The following GLIS3 variants were observed in gnomAD, a reference collection of about 807,000 sequenced individuals.
GLIS3 encodes zinc finger protein GLIS3.
A neutral mutation model predicts 78.6 loss-of-function variants in GLIS3; 53 were observed. That is an observed-to-expected ratio of 0.67 (90% CI 0.54 to 0.85). The LOEUF (loss-of-function observed/expected upper bound fraction) is 0.85. Among genes scored for constraint, GLIS3 ranks in the 40% least tolerant of loss-of-function variants. The pLI, the probability that GLIS3 is intolerant of heterozygous loss-of-function variation, is 0.00. For synonymous variants in GLIS3, 684 were observed against 509.9 expected (o/e 1.34, Z -4.60); for missense variants, 1,703 against 1,231.1 (o/e 1.38, Z -5.74).
intron 2 of GLIS3, among the ~76,000 whole-genome samples, chr9:4,153,238 ATAAAATAGTAC>A (rs1463285616): frequency 6.6e-6 from 1 of 152,238 alleles, no homozygotes; most frequent in Non-Finnish European, 1.5e-5. Flanking sequence ...ACTTGGAAGA[ATAAAATAGTAC>A]TAATAATCAA....
intron 2 of GLIS3, among the ~76,000 whole-genome samples, chr9:4,229,875 A>G (rs1051911855): frequency 6.6e-5 from 10 of 152,210 alleles, no homozygotes; most frequent in Non-Finnish European, 1.2e-4. Context: ...TCTTAATATT[A>G]TTCTCCCTAG....
At chr9:4,121,772 A>G (rs969172278) in intron 3 of GLIS3, among the ~76,000 whole-genome samples, 1 of 152,288 alleles carries the variant, frequency 6.6e-6, no homozygotes, top group East Asian at 1.9e-4. Context: ...CATGTCACCC[A>G]CAATGCTCTG....
chr9:4,146,358 C>G (rs931957985), intron 2 of GLIS3, among the ~76,000 whole-genome samples: 3 of 152,134 alleles, frequency 2.0e-5, no homozygotes, highest in African/African-American at 7.2e-5. Context: ...GCATGTAACT[C>G]AAAACTATTT....
At chr9:4,254,256 A>G (rs1016243952) in intron 2 of GLIS3, among the ~76,000 whole-genome samples, 3 of 152,246 alleles carry the variant, frequency 2.0e-5, no homozygotes, top group African/African-American at 7.2e-5. Context: ...AAGATACGTG[A>G]GAATAAAGAG....
intron 2 of GLIS3, among the ~76,000 whole-genome samples, chr9:4,343,154 C>A (rs1352042417): frequency 6.8e-6 from 1 of 147,060 alleles, no homozygotes; most frequent in African/African-American, 2.5e-5. Flanking sequence ...GCCTGGGCAA[C>A]ATAGCAAGAC....
At chr9:4,283,576 T>C (rs1479929951) in intron 2 of GLIS3, among the ~76,000 whole-genome samples, 2 of 152,210 alleles carry the variant, frequency 1.3e-5, no homozygotes, top group South Asian at 2.1e-4. Flanking sequence ...TACTGTGCTG[T>C]AGTTTAACTG....
At chr9:3,967,025 AAAAAAAAAC>A (rs1384997419) in intron 4 of GLIS3, among the ~76,000 whole-genome samples, 1,618 of 144,982 alleles carry the variant, frequency 0.011, 35 homozygotes, top group African/African-American at 0.04. Context: ...AAAAAAAAAA[AAAAAAAAAC>A]AAAAAAACAT....
the GLIS3 span, among the ~76,000 whole-genome samples, chr9:4,462,240 CT>C: frequency 6.6e-6 from 1 of 152,170 alleles, no homozygotes; most frequent in Admixed American, 6.5e-5. Flanking sequence ...GATCTGTAAA[CT>C]TTTTCACCAT....
intron 4 of GLIS3, among the ~76,000 whole-genome samples, chr9:4,093,352 G>A (rs1222679561): frequency 2.0e-5 from 3 of 152,140 alleles, no homozygotes; most frequent in Non-Finnish European, 4.4e-5. Flanking sequence ...TGTTTGCACT[G>A]AGTAAGGCCC....
chr9:4,092,395 G>A (rs908256485), intron 4 of GLIS3, among the ~76,000 whole-genome samples: 4 of 151,814 alleles, frequency 2.6e-5, no homozygotes, highest in African/African-American at 4.8e-5. Flanking sequence ...CTCGTGATCC[G>A]CCTGCCTCAG....
rs1239073603 is a variant in GLIS3 at position 4,286,487 on chromosome 9, A to G, written c.-62T>C. ...ATGTCACTAATGACTCCTTTCAGGC[A>G]AAGTCCAATAAGTTATCCATGGTGT... On this transcript the variant is annotated 5_prime_UTR_variant, in exon 2 of 11. Transcript: ENST00000381971. 1.4e-5 allele frequency: 22 copies of G among 1,590,432 alleles called. No homozygotes were observed. Among genetic ancestry groups the G allele is most frequent in the South Asian group, 4.4e-5 (4 of 90,078 alleles).
intron 4 of GLIS3, among the ~76,000 whole-genome samples, chr9:4,042,616 AG>A (rs1824913914): frequency 6.6e-6 from 1 of 152,194 alleles, no homozygotes; most frequent in Admixed American, 6.5e-5. Context: ...ATGTAAGCCC[AG>A]GTGTTCAAAG....
intron 4 of GLIS3, among the ~76,000 whole-genome samples, chr9:4,061,438 C>T (rs62521685): frequency 6.6e-6 from 1 of 152,014 alleles, no homozygotes; most frequent in Admixed American, 6.6e-5. Flanking sequence ...GTATATGTGC[C>T]ACATTTTCTT....
chr9:4,087,856 A>C (rs534810722), intron 4 of GLIS3, among the ~76,000 whole-genome samples: 1 of 152,280 alleles, frequency 6.6e-6, no homozygotes, highest in South Asian at 2.1e-4. Context: ...ACAAGGAATT[A>C]TTCTCTTTGG....
intron 9 of GLIS3, among the ~76,000 whole-genome samples, chr9:3,848,032 G>A (rs1013355258): frequency 6.6e-6 from 1 of 152,148 alleles, no homozygotes; most frequent in African/African-American, 2.4e-5. Flanking sequence ...CTATTACAAT[G>A]TTGATTTATA....
At chr9:4,220,459 C>T (rs188110525) in intron 2 of GLIS3, among the ~76,000 whole-genome samples, 2 of 152,290 alleles carry the variant, frequency 1.3e-5, no homozygotes, top group Admixed American at 6.5e-5. Context: ...GAAGTTAACA[C>T]CACCAGCATT....
chr9:4,425,102 T>C, the GLIS3 span, among the ~76,000 whole-genome samples: 1 of 152,098 alleles, frequency 6.6e-6, no homozygotes, highest in Non-Finnish European at 1.5e-5. Flanking sequence ...CCCCGAAGTT[T>C]AGAAGAAAAA....
intron 2 of GLIS3, among the ~76,000 whole-genome samples, chr9:4,316,983 G>A (rs1238744324): frequency 6.6e-6 from 1 of 152,126 alleles, no homozygotes; most frequent in Non-Finnish European, 1.5e-5. Context: ...AAGTCACAGT[G>A]TCTAAGAACC....
At chr9:4,219,724 TAGTGCAACTG>T (rs1052315005) in intron 2 of GLIS3, among the ~76,000 whole-genome samples, 3 of 152,086 alleles carry the variant, frequency 2.0e-5, no homozygotes, top group African/African-American at 7.2e-5. Context: ...AACCCACAAA[TAGTGCAACTG>T]AGCTGGGAGG....
Sources: allele counts gnomAD v4.1 joint callset (sites outside exome capture counted in the v4.1 genomes callset), GRCh38; gene constraint gnomAD v4.1.1; transcripts MANE v1.5; gene names NCBI Gene and HGNC (gene_info 2026-07-23, HGNC 2026-07-21).